Variants in KIZ observed in about 807,000 individuals in gnomAD.
The protein encoded by KIZ is centrosomal protein kizuna.
Under a neutral mutation model 79.6 loss-of-function variants are expected in KIZ, and 68 were observed. The ratio of observed to expected loss-of-function variants is 0.85; its 90% CI spans 0.70 to 1.05. The LOEUF (loss-of-function observed/expected upper bound fraction) is 1.05, where lower values mean the gene tolerates loss of function less well. Among genes scored for constraint, KIZ ranks in the 50% least tolerant of loss-of-function variants. The pLI, the probability that KIZ is intolerant of heterozygous loss-of-function variation, is 0.00. For missense variants in KIZ, 797 were observed against 800.4 expected (o/e 1.00, Z 0.05); for synonymous variants, 280 against 281.8 (o/e 0.99, Z 0.06).
At chr20:21,219,692 G>C (rs1359010031) in intron 9 of KIZ, among the ~76,000 whole-genome samples, 9 of 152,110 alleles carry the variant, frequency 5.9e-5, no homozygotes, top group Non-Finnish European at 1.3e-4. Flanking sequence ...TAATGCCAAG[G>C]GACTGTGCTT....
chr20:21,222,765 CTCT>C (rs1170036889), intron 9 of KIZ, among the ~76,000 whole-genome samples: 2 of 152,300 alleles, frequency 1.3e-5, no homozygotes, highest in East Asian at 3.9e-4. Flanking sequence ...TCTGTGTCTG[CTCT>C]TCTTCTTAGA....
chr20:21,178,584 T>G (rs2034528305), intron 6 of KIZ, among the ~76,000 whole-genome samples: 1 of 152,160 alleles, frequency 6.6e-6, no homozygotes, highest in Non-Finnish European at 1.5e-5. Flanking sequence ...GCCTAATTAT[T>G]CTGGCTAGGG....
chr20:21,162,981 C>G lies in KIZ; in HGVS notation c.1174C>G (p.Pro392Ala), dbSNP rs1416773921. 1.2e-6 allele frequency: 2 copies of G among 1,613,600 alleles called. No individual in the cohort carries two copies. Among genetic ancestry groups the G allele is most frequent in the Non-Finnish European group, 1.7e-6 (2 of 1,179,794 alleles). ...TGAAGATGATCTGATTTTAGAGAGC[C>G]CAGAACCACAGCCAAATCCAGGTGG... is the stretch of plus-strand genomic sequence containing the variant. ...ISEDDLILES[P>A]EPQPNPGGKM... The change falls in exon 6 of 13, where the codon CCA becomes GCA. Residue 392 changes from proline to alanine, a missense_variant. Transcript: ENST00000619189.
intron 3 of KIZ, among the ~76,000 whole-genome samples, chr20:21,138,631 G>GAA: frequency 6.6e-6 from 1 of 152,244 alleles, no homozygotes; most frequent in South Asian, 2.1e-4. Context: ...GGCTGACTTT[G>GAA]ACCCCTTGGT....
intron 3 of KIZ, among the ~76,000 whole-genome samples, chr20:21,141,919 C>G (rs974729958): frequency 2.7e-5 from 4 of 150,868 alleles, no homozygotes; most frequent in African/African-American, 9.8e-5. Context: ...TAATTTCCCC[C>G]CTCCACCTTC....
At chr20:21,171,405 CTT>C (rs1198151762) in intron 6 of KIZ, among the ~76,000 whole-genome samples, 1 of 152,126 alleles carries the variant, frequency 6.6e-6, no homozygotes, top group Non-Finnish European at 1.5e-5. Flanking sequence ...TGAACAGTGT[CTT>C]TTACAGAGCA....
At chr20:21,207,356 G>A (rs774477193) in intron 7 of KIZ, among the ~76,000 whole-genome samples, 2 of 151,862 alleles carry the variant, frequency 1.3e-5, no homozygotes, top group Non-Finnish European at 2.9e-5. Flanking sequence ...GTGATAGGAC[G>A]GACCCACTAA....
At chr20:21,217,294 G>A (rs1016112594) in intron 9 of KIZ, among the ~76,000 whole-genome samples, 2 of 152,166 alleles carry the variant, frequency 1.3e-5, no homozygotes, top group African/African-American at 4.8e-5. Flanking sequence ...CTGTTGCTTT[G>A]TCCATCATTG....
At chr20:21,160,205 C>T (rs116210479) in intron 4 of KIZ, among the ~76,000 whole-genome samples, 2,913 of 152,206 alleles carry the variant, frequency 0.019, 87 homozygotes, top group African/African-American at 0.065. Flanking sequence ...TCTCTGGTGA[C>T]CACTTCCCTA....
At chr20:21,244,127 G>C in intron 11 of KIZ, 118 bp from the exon 12 acceptor site, 1 of 731,934 alleles carries the variant, frequency 1.4e-6, no homozygotes. Context: ...TGGGAAGTAA[G>C]TGTAAAGTTC....
chr20:21,220,301 C>T (rs1429197907), intron 9 of KIZ, among the ~76,000 whole-genome samples: 1 of 151,814 alleles, frequency 6.6e-6, no homozygotes, highest in Admixed American at 6.6e-5. Context: ...TTACAACAGT[C>T]CTATAGGGTA....
intron 1 of KIZ, among the ~76,000 whole-genome samples, chr20:21,128,424 G>A (rs1358427831): frequency 1.3e-5 from 2 of 152,142 alleles, no homozygotes; most frequent in African/African-American, 4.8e-5. Flanking sequence ...GGTAGTCACA[G>A]CTGCTTTATC....
intron 3 of KIZ, among the ~76,000 whole-genome samples, chr20:21,144,911 C>T (rs1364065186): frequency 6.6e-6 from 1 of 152,090 alleles, no homozygotes; most frequent in African/African-American, 2.4e-5. Context: ...TTATGCCTTG[C>T]TTTTAAGAAA....
intron 12 of KIZ, 62 bp downstream of exon 12, chr20:21,244,350 A>G (rs1458209539): frequency 1.6e-6 from 2 of 1,212,482 alleles, no homozygotes; most frequent in Non-Finnish European, 1.2e-6. Flanking sequence ...ACTCTGTGAC[A>G]TGCATTTGTT....
chr20:21,214,370 A>G (rs535382263), intron 7 of KIZ, among the ~76,000 whole-genome samples, 165 bp from the exon 8 acceptor site: 1 of 152,270 alleles, frequency 6.6e-6, no homozygotes, highest in South Asian at 2.1e-4. Flanking sequence ...GAAAATAACC[A>G]GGTGTTTTTT....
At chr20:21,213,156 A>G (rs967745303) in intron 7 of KIZ, among the ~76,000 whole-genome samples, 1 of 152,214 alleles carries the variant, frequency 6.6e-6, no homozygotes, top group Non-Finnish European at 1.5e-5. Flanking sequence ...GAAGAAGGCA[A>G]GAACTCTGCA....
chr20:21,169,136 GT>G (rs1387345676), intron 6 of KIZ, among the ~76,000 whole-genome samples: 3 of 152,122 alleles, frequency 2.0e-5, no homozygotes, highest in Admixed American at 6.5e-5. Context: ...AACCATCAGA[GT>G]GAACAGGCAA....
chr20:21,151,210 T>C (rs965172153), intron 4 of KIZ: 4 of 152,192 alleles, frequency 2.6e-5, no homozygotes, highest in African/African-American at 7.2e-5. Context: ...AATACATCAG[T>C]CTGCTTTTCA....
At chr20:21,137,659 A>T (rs2032274832) in intron 3 of KIZ, among the ~76,000 whole-genome samples, 1 of 152,040 alleles carries the variant, frequency 6.6e-6, no homozygotes, top group Non-Finnish European at 1.5e-5. Flanking sequence ...AGCCATTGAA[A>T]GTCTGCTGCA....
Sources: gnomAD v4.1 joint callset for allele counts (sites outside exome capture counted in the v4.1 genomes callset) on GRCh38, gnomAD v4.1.1 for gene constraint, MANE v1.5 for transcripts, NCBI Gene and HGNC (gene_info 2026-07-23, HGNC 2026-07-21) for gene names.